Variants in KCNB2 observed in about 807,000 individuals in gnomAD.
KCNB2 encodes potassium voltage-gated channel subfamily B member 2.
KCNB2 carries 15 observed loss-of-function variants against 61.5 expected under a neutral mutation model. The observed-to-expected ratio is 0.24, with a 90% CI of 0.16 to 0.38. The LOEUF (loss-of-function observed/expected upper bound fraction) is 0.38, where lower values mean the gene tolerates loss of function less well. KCNB2 is among the 10% of genes least tolerant of loss of function. KCNB2 has a pLI of 1.00. For missense variants in KCNB2, 828 were observed against 1,125.2 expected (o/e 0.74, Z 3.78); for synonymous variants, 457 against 446.0 (o/e 1.02, Z -0.31).
At chr8:72,816,391 A>G (rs2129000763) in intron 2 of KCNB2, among the ~76,000 whole-genome samples, 1 of 152,314 alleles carries the variant, frequency 6.6e-6, no homozygotes. Context: ...TGAACAGATA[A>G]TGAAATAACT....
At chr8:72,651,809 A>G (rs913664439) in intron 2 of KCNB2, among the ~76,000 whole-genome samples, 1 of 152,104 alleles carries the variant, frequency 6.6e-6, no homozygotes. Context: ...CATATCAGAA[A>G]TTAACCCCTA....
At chr8:72,801,887 C>T (rs1465274085) in intron 2 of KCNB2, among the ~76,000 whole-genome samples, 2 of 151,602 alleles carry the variant, frequency 1.3e-5, no homozygotes, top group Non-Finnish European at 2.9e-5. Context: ...CAATTTTACA[C>T]ATTTGCTACA....
intron 2 of KCNB2, among the ~76,000 whole-genome samples, chr8:72,725,601 A>ATATATGTATGTG (rs1554587083): frequency 2.0e-5 from 2 of 100,248 alleles, no homozygotes; most frequent in African/African-American, 7.1e-5. Flanking sequence ...GTATATATAT[A>ATATATGTATGTG]TATATATATA....
At chr8:72,822,306 G>A (rs1399357480) in intron 2 of KCNB2, among the ~76,000 whole-genome samples, 1 of 152,206 alleles carries the variant, frequency 6.6e-6, no homozygotes, top group Non-Finnish European at 1.5e-5. Context: ...CCTAGATGGG[G>A]AGGGCCAGTG....
chr8:72,688,188 G>T (rs1256796030), intron 2 of KCNB2, among the ~76,000 whole-genome samples: 1 of 152,152 alleles, frequency 6.6e-6, no homozygotes, highest in Non-Finnish European at 1.5e-5. Context: ...ATACCCATGT[G>T]ATTGTCGTGT....
At chr8:72,614,114 G>C (rs903383188) in intron 2 of KCNB2, among the ~76,000 whole-genome samples, 2 of 152,178 alleles carry the variant, frequency 1.3e-5, no homozygotes, top group Non-Finnish European at 2.9e-5. Context: ...TCCTGAAAAA[G>C]AGTGTAATGT....
intron 1 of KCNB2, among the ~76,000 whole-genome samples, chr8:72,560,450 C>T (rs1355812833): frequency 6.6e-6 from 1 of 152,174 alleles, no homozygotes; most frequent in Non-Finnish European, 1.5e-5. Flanking sequence ...CAGGGTATTA[C>T]TGGGTGGCCT....
chr8:72,901,282 A>G (rs893278538), intron 2 of KCNB2, among the ~76,000 whole-genome samples: 2 of 152,166 alleles, frequency 1.3e-5, no homozygotes, highest in African/African-American at 4.8e-5. Context: ...GGGCAGTAAC[A>G]ATGTTGGGCA....
intron 2 of KCNB2, among the ~76,000 whole-genome samples, chr8:72,633,418 T>C (rs1223850372): frequency 6.6e-6 from 1 of 152,194 alleles, no homozygotes; most frequent in Non-Finnish European, 1.5e-5. Flanking sequence ...ATCTCCCTAT[T>C]TTAAGGTGCA....
intron 2 of KCNB2, among the ~76,000 whole-genome samples, chr8:72,753,675 C>T (rs1042708161): frequency 4.6e-5 from 7 of 152,178 alleles, no homozygotes; most frequent in Non-Finnish European, 8.8e-5. Flanking sequence ...GACTTGCCTT[C>T]ATAGTTAATA....
chr8:72,886,814 T>C (rs564462814), intron 2 of KCNB2, among the ~76,000 whole-genome samples: 16 of 152,336 alleles, frequency 1.1e-4, no homozygotes, highest in African/African-American at 3.4e-4. Flanking sequence ...ATTGTGAACA[T>C]TCAGTAAATA....
At position 72,937,641 on chromosome 8, in the gene KCNB2, C is replaced by T. The variant is rs572798233; in HGVS notation, c.2286C>T (p.Ser762=). 6.2e-7 allele frequency: 1 copy of T among 1,614,090 alleles called. No individual in the cohort carries two copies. The highest frequency in any genetic ancestry group is 8.5e-7 in the Non-Finnish European group (1 of 1,180,000). The part of the protein sequence containing the change: ...ISTILLEETP[S]QGDRPLLGTE... ...CCATCCTCTTAGAAGAAACCCCCTC[C>T]CAGGGAGACAGACCCTTGCTGGGCA... Residue 762 remains serine, a synonymous_variant, in exon 3 of 3, where the codon TCC becomes TCT. Transcript: ENST00000523207.
intron 2 of KCNB2, among the ~76,000 whole-genome samples, chr8:72,584,856 G>GA (rs1031419617): frequency 1.1e-4 from 16 of 149,778 alleles, no homozygotes; most frequent in South Asian, 4.2e-4. Flanking sequence ...TAAAGATAAA[G>GA]AAAAAAAAAA....
intron 1 of KCNB2, among the ~76,000 whole-genome samples, chr8:72,557,257 T>C (rs553827155): frequency 1.1e-4 from 17 of 152,278 alleles, no homozygotes; most frequent in African/African-American, 1.7e-4. Context: ...CCAGCATGTA[T>C]TTCCATTATT....
chr8:72,817,285 TC>T (rs1809416916), intron 2 of KCNB2, among the ~76,000 whole-genome samples: 1 of 152,078 alleles, frequency 6.6e-6, no homozygotes, highest in Non-Finnish European at 1.5e-5. Context: ...AAAAATCTTG[TC>T]CCCTTCTCGC....
At chr8:72,851,835 A>AAAAAAAAAAAAAAAAAAAAG (rs1810118852) in intron 2 of KCNB2, among the ~76,000 whole-genome samples, 1 of 116,382 alleles carries the variant, frequency 8.6e-6, no homozygotes, top group Non-Finnish European at 1.7e-5. Flanking sequence ...GGAAAAAAAA[A>AAAAAAAAAAAAAAAAAAAAG]AAAAAAAAAA....
intron 2 of KCNB2, among the ~76,000 whole-genome samples, chr8:72,672,292 T>C (rs546675718): frequency 9.2e-5 from 14 of 152,326 alleles, no homozygotes; most frequent in Non-Finnish European, 2.1e-4. Flanking sequence ...ATAGAATTTC[T>C]CTATTTAGAA....
chr8:72,650,248 T>C (rs964617144), intron 2 of KCNB2, among the ~76,000 whole-genome samples: 2 of 152,194 alleles, frequency 1.3e-5, no homozygotes, highest in Admixed American at 6.6e-5. Context: ...ATTTAACTAA[T>C]GATTCCAGAT....
chr8:72,817,063 T>C (rs1809412166), intron 2 of KCNB2, among the ~76,000 whole-genome samples: 2 of 152,044 alleles, frequency 1.3e-5, no homozygotes, highest in African/African-American at 4.8e-5. Flanking sequence ...ATGTGTTAGG[T>C]ACTGGAAAAG....
Sources: gnomAD v4.1 joint callset for allele counts (sites outside exome capture counted in the v4.1 genomes callset) on GRCh38, gnomAD v4.1.1 for gene constraint, MANE v1.5 for transcripts, NCBI Gene and HGNC (gene_info 2026-07-23, HGNC 2026-07-21) for gene names.